EPCIP: variants seen among roughly 807,000 people sequenced by gnomAD.
EPCIP encodes exosomal polycystin 1 interacting protein.
At chr21:32,813,132 T>C in the EPCIP span, among the ~76,000 whole-genome samples, 1 of 152,144 alleles carries the variant, frequency 6.6e-6, no homozygotes, top group Admixed American at 6.5e-5. Flanking sequence ...CACTTTTCTT[T>C]GTTTGTGATC....
the EPCIP span, among the ~76,000 whole-genome samples, chr21:32,792,992 AC>A: frequency 6.6e-6 from 1 of 150,870 alleles, no homozygotes; most frequent in East Asian, 1.9e-4. Flanking sequence ...TGACTCTGTC[AC>A]CCAGGCTGGA....
At chr21:32,792,816 C>T in the EPCIP span, among the ~76,000 whole-genome samples, 56 of 152,170 alleles carry the variant, frequency 3.7e-4, no homozygotes, top group Non-Finnish European at 6.0e-4. Flanking sequence ...TCCACCCCAA[C>T]AAACACAGTC....
chr21:32,791,573 G>C, the EPCIP span: 4 of 151,434 alleles, frequency 2.6e-5, no homozygotes, highest in East Asian at 7.8e-4. Context: ...CAGTAATGAG[G>C]TCACATTTTT....
At chr21:32,807,820 C>T in the EPCIP span, 1 of 152,248 alleles carries the variant, frequency 6.6e-6, no homozygotes, top group East Asian at 1.9e-4. Context: ...CCTTGAAAGC[C>T]ATTGAATGAC....
the EPCIP span, chr21:32,810,536 C>T: frequency 2.1e-6 from 1 of 465,646 alleles, no homozygotes; most frequent in Non-Finnish European, 4.4e-6. Flanking sequence ...GCTGGGATTA[C>T]AGGCGTGAAC....
At chr21:32,793,641 G>C in the EPCIP span, 1 of 860,742 alleles carries the variant, frequency 1.2e-6, no homozygotes, top group Admixed American at 1.8e-5. Flanking sequence ...TGCAAATGGA[G>C]CCTGCGGAGA....
At chr21:32,805,574 C>G in the EPCIP span, among the ~76,000 whole-genome samples, 2 of 152,106 alleles carry the variant, frequency 1.3e-5, no homozygotes, top group Non-Finnish European at 2.9e-5. Flanking sequence ...GTTGGCCAGG[C>G]TGGTCTCAAA....
At chr21:32,802,892 CT>C in the EPCIP span, among the ~76,000 whole-genome samples, 3 of 152,222 alleles carry the variant, frequency 2.0e-5, no homozygotes, top group African/African-American at 7.2e-5. Flanking sequence ...AGCAATTCTT[CT>C]GCCTCAGCCT....
the EPCIP span, among the ~76,000 whole-genome samples, chr21:32,811,157 G>C: frequency 4.0e-5 from 6 of 150,230 alleles, no homozygotes; most frequent in Non-Finnish European, 8.9e-5. Flanking sequence ...TTTAGACCGA[G>C]TCTCAGTCTG....
At chr21:32,807,116 T>C in the EPCIP span, among the ~76,000 whole-genome samples, 1 of 152,140 alleles carries the variant, frequency 6.6e-6, no homozygotes, top group African/African-American at 2.4e-5. Context: ...GAGGGAATGA[T>C]GAGAGTTACA....
the EPCIP span, among the ~76,000 whole-genome samples, chr21:32,804,921 A>G: frequency 2.0e-5 from 3 of 152,234 alleles, no homozygotes; most frequent in Non-Finnish European, 1.5e-5. Flanking sequence ...CTGATCTCCA[A>G]CTGTGCCTAA....
At chr21:32,790,725 G>C in the EPCIP span, 1 of 152,238 alleles carries the variant, frequency 6.6e-6, no homozygotes, top group Admixed American at 6.5e-5. Flanking sequence ...CATGGCTACT[G>C]CATAGGCAGA....
At chr21:32,795,452 C>T in the EPCIP span, among the ~76,000 whole-genome samples, 476 of 152,318 alleles carry the variant, frequency 3.1e-3, 1 homozygote, top group South Asian at 6.2e-3. Context: ...GAGTGTACCA[C>T]ATTTCAGTTT....
the EPCIP span, among the ~76,000 whole-genome samples, chr21:32,806,949 C>G: frequency 1.3e-5 from 2 of 152,192 alleles, no homozygotes; most frequent in African/African-American, 4.8e-5. Context: ...TCGTGTCTCA[C>G]ATGGTGGCAG....
At chr21:32,806,739 C>T in the EPCIP span, among the ~76,000 whole-genome samples, 1 of 152,188 alleles carries the variant, frequency 6.6e-6, no homozygotes, top group African/African-American at 2.4e-5. Context: ...AAGCACTGAG[C>T]TCACCTGGGT....
chr21:32,793,649 A>G, the EPCIP span: 21 of 925,142 alleles, frequency 2.3e-5, no homozygotes, highest in Non-Finnish European at 3.8e-5. Flanking sequence ...GAGCCTGCGG[A>G]GAGAGGCACA....
the EPCIP span, among the ~76,000 whole-genome samples, chr21:32,810,879 T>C: frequency 6.6e-6 from 1 of 152,190 alleles, no homozygotes; most frequent in African/African-American, 2.4e-5. Context: ...TCCTCAGCCC[T>C]GTGTTCCCAA....
chr21:32,800,826 A>C, the EPCIP span, among the ~76,000 whole-genome samples: 9 of 151,906 alleles, frequency 5.9e-5, no homozygotes, highest in South Asian at 2.1e-4. Flanking sequence ...AAAAAACCAA[A>C]AAAAAAAAAA....
At chr21:32,797,658 A>C in the EPCIP span, 2 of 152,252 alleles carry the variant, frequency 1.3e-5, no homozygotes, top group South Asian at 4.1e-4. Context: ...AGCACATAGC[A>C]AGGACTCAAC....
Sources: gnomAD v4.1 joint callset for allele counts (sites outside exome capture counted in the v4.1 genomes callset) on GRCh38, gnomAD v4.1.1 for gene constraint, MANE v1.5 for transcripts, NCBI Gene and HGNC (gene_info 2026-07-23, HGNC 2026-07-21) for gene names.